Variants in NLRP2 observed in about 807,000 individuals in gnomAD.
NLRP2 encodes the protein NACHT, LRR and PYD domains-containing protein 2.
A neutral mutation model predicts 97.2 loss-of-function variants in NLRP2; 107 were observed. The ratio of observed to expected loss-of-function variants is 1.10; its 90% confidence interval spans 0.94 to 1.29. NLRP2 has a LOEUF of 1.29. Ranked by LOEUF, NLRP2 falls within the 50% of genes most tolerant of loss-of-function variation. The probability of loss-of-function intolerance (pLI) is 0.00; values close to 1 mark genes in which losing one functional copy is unlikely to be tolerated. For synonymous variants in NLRP2, 663 were observed against 551.5 expected (o/e 1.20, Z -2.83); for missense variants, 1,495 against 1,330.3 (o/e 1.12, Z -1.93).
At chr19:54,965,847 CG>C (rs1237712143), upstream of NLRP2, among the ~76,000 whole-genome samples, 2 of 88,300 alleles carry the variant, frequency 2.3e-5, no homozygotes, top group East Asian at 6.8e-4. Flanking sequence ...AGCCGGCAGG[CG>C]GAGGCTGCGG....
intron 12 of NLRP2, 80 bp from the exon 13 acceptor site, chr19:55,000,680 C>T (rs548144530): frequency 2.0e-5 from 29 of 1,482,790 alleles, no homozygotes; most frequent in Admixed American, 5.0e-5. Flanking sequence ...GCCTCCTTAA[C>T]AGACTTTCAG....
chr19:54,989,700 T>C, intron 8 of NLRP2: 1 of 456,072 alleles, frequency 2.2e-6, no homozygotes, highest in South Asian at 2.2e-5. Context: ...AATGACTTGT[T>C]CTGCCGGGCG....
In NLRP2 at chr19:54,982,462, C is replaced by G. The variant is rs375922261; in HGVS notation, c.764C>G (p.Pro255Arg). 17 of 1,614,032 alleles carry G rather than the reference C, an allele frequency of 1.1e-5. No homozygotes were observed. The highest frequency in any genetic ancestry group is 1.7e-5 in the Admixed American group (1 of 59,980). Residue 255 changes from proline to arginine, a missense_variant, in exon 6 of 13, where the codon CCG (proline) becomes CGG (arginine). Transcript: ENST00000448584. ...TGCAGGGAGCTCAGCCGCCTGGGCC[C>G]GTGCAGTTTTGCAGAGCTGGTCTTC... is the stretch of plus-strand genomic sequence containing the variant. ...LSCRELSRLG[P>R]CSFAELVFRD...
chr19:54,994,537 A>G (rs2072698876), intron 11 of NLRP2, 98 bp downstream of exon 11: 3 of 1,250,012 alleles, frequency 2.4e-6, no homozygotes, highest in Non-Finnish European at 3.5e-6. Context: ...AAGTTATATA[A>G]TTGAGAGGAC....
At chr19:54,994,503 A>G (rs2072696929) in intron 11 of NLRP2, 64 bp downstream of exon 11, 1 of 1,564,302 alleles carries the variant, frequency 6.4e-7, no homozygotes, top group Non-Finnish European at 8.8e-7. Context: ...GCTAGTGTAA[A>G]ATAATCAGTG....
chr19:54,995,536 A>T (rs957361502), intron 11 of NLRP2, among the ~76,000 whole-genome samples: 2 of 151,610 alleles, frequency 1.3e-5, no homozygotes, highest in Admixed American at 6.6e-5. Flanking sequence ...GTGAGCTGAG[A>T]TCCTGTCACT....
chr19:54,980,340 C>T (rs1258945307), intron 4 of NLRP2, among the ~76,000 whole-genome samples: 4 of 151,460 alleles, frequency 2.6e-5, no homozygotes, highest in African/African-American at 4.9e-5. Flanking sequence ...GGACTACAGG[C>T]GCCCGCCACA....
chr19:54,995,896 G>A (rs373501098), intron 11 of NLRP2, among the ~76,000 whole-genome samples: 2 of 151,870 alleles, frequency 1.3e-5, no homozygotes, highest in Admixed American at 6.6e-5. Flanking sequence ...ACAAAAATCC[G>A]CTGAGCATGG....
intron 1 of NLRP2, 117 bp from the exon 2 acceptor site, chr19:54,969,882 C>T (rs1330528620): frequency 9.8e-7 from 1 of 1,025,502 alleles, no homozygotes; most frequent in African/African-American, 1.6e-5. Flanking sequence ...GGAGTTTGTT[C>T]TTGAAGAAGC....
At chr19:54,978,708 G>A (rs541066715) in intron 4 of NLRP2, among the ~76,000 whole-genome samples, 120 of 151,794 alleles carry the variant, frequency 7.9e-4, no homozygotes, top group Non-Finnish European at 1.3e-3. Context: ...TTAGCCGGGT[G>A]TGGTGGCACC....
intron 10 of NLRP2, among the ~76,000 whole-genome samples, chr19:54,991,811 C>T (rs977715487): frequency 1.2e-4 from 18 of 144,468 alleles, no homozygotes; most frequent in East Asian, 6.1e-4. Flanking sequence ...TGCAGTGAGC[C>T]GAGATCGTGC....
At chr19:54,975,372 T>A (rs2071157126) in intron 3 of NLRP2, among the ~76,000 whole-genome samples, 1 of 144,988 alleles carries the variant, frequency 6.9e-6, no homozygotes, top group Admixed American at 6.9e-5. Context: ...TCCTCCTGCC[T>A]CACCCTCCCA....
At position 54,990,616 on chromosome 19, in the gene NLRP2, G is replaced by A. The variant is rs770340590; in HGVS notation, c.2652G>A (p.Gly884=). 6.2e-7 allele frequency: 1 copy of A among 1,614,174 alleles called. No homozygotes were observed. The highest frequency in any genetic ancestry group is 8.5e-7 in the Non-Finnish European group (1 of 1,180,036). The change falls in exon 10 of 13, where the codon GGG becomes GGA. Residue 884 remains glycine, a synonymous_variant. Transcript: ENST00000448584. ...CLAKNPIGNT[G]VKFLCEGLRY... is the part of the protein sequence containing the mutation. ...CCAAGAACCCCATTGGGAATACAGG[G>A]GTGAAGTTTCTGTGTGAGGGCTTGA...
chr19:54,985,327 C>G, intron 7 of NLRP2, 110 bp downstream of exon 7: 1 of 1,031,636 alleles, frequency 9.7e-7, no homozygotes, highest in Non-Finnish European at 1.5e-6. Flanking sequence ...GTGCTCGAGA[C>G]ACAGGGAATT....
Position 54,992,566 on chromosome 19 carries a change from T to G in NLRP2, c.2709-1703T>G, listed in dbSNP as rs538047220. Among the ~76,000 whole-genome samples the G allele has an allele frequency of 2.4e-5, 3 of 126,238 alleles. No homozygotes were observed. The South Asian group carries it at 7.3e-4, about 31-fold the overall frequency. 82.8% of individuals were successfully genotyped at this position (126,238 alleles called of 152,430 possible). On this transcript the variant is annotated intron_variant, in intron 10 of 12. Coordinates refer to ENST00000448584, the MANE Select transcript of NLRP2 (RefSeq NM_017852.5). ...GGGGGGGGGGGTTTTCTTTTTTTTT[T>G]TTTTTTGGTTTTTTTTTTTTGATAG...
chr19:54,975,421 C>G (rs1265719634), intron 3 of NLRP2, among the ~76,000 whole-genome samples: 1 of 143,886 alleles, frequency 6.9e-6, no homozygotes, highest in African/African-American at 2.6e-5. Flanking sequence ...ACACCTGGCC[C>G]TTACCAGCTA....
At chr19:54,981,213 A>C (rs745984928) in intron 4 of NLRP2, among the ~76,000 whole-genome samples, 1 of 151,798 alleles carries the variant, frequency 6.6e-6, no homozygotes, top group South Asian at 2.1e-4. Flanking sequence ...TCTGTTGCCC[A>C]GGGTGGAGTG....
chr19:54,986,323 T>A lies in NLRP2; in HGVS notation c.2366+8T>A. On this transcript the variant is annotated splice_region_variant and intron_variant, in intron 8 of 12. Coordinates refer to ENST00000448584, the MANE Select transcript of NLRP2 (RefSeq NM_017852.5). ...TAACCTGCGATATCTCGGGTATATC[T>A]CTTAATCATTAAAATCCTTCATCAT... 6.2e-7 allele frequency: 1 copy of A among 1,610,330 alleles called. No individual in the cohort carries two copies. The highest frequency in any genetic ancestry group is 8.5e-7 in the Non-Finnish European group (1 of 1,176,552).
Position 54,986,332 on chromosome 19 carries a change from T to C in NLRP2, c.2366+17T>C, listed in dbSNP as rs2072084515. The C allele has an allele frequency of 4.4e-6, 7 of 1,609,056 alleles. No homozygotes were observed. In the East Asian group the frequency reaches 1.6e-4, roughly 36 times the overall value. On this transcript the variant is annotated intron_variant, in intron 8 of 12. Coordinates refer to ENST00000448584, the MANE Select transcript of NLRP2 (RefSeq NM_017852.5). ...ATATCTCGGGTATATCTCTTAATCA[T>C]TAAAATCCTTCATCATACAAACATA...
Sources: gnomAD v4.1 joint callset for allele counts (sites outside exome capture counted in the v4.1 genomes callset) on GRCh38, gnomAD v4.1.1 for gene constraint, MANE v1.5 for transcripts, NCBI Gene and HGNC (gene_info 2026-07-23, HGNC 2026-07-21) for gene names.